Variants in DLGAP1 observed in about 807,000 individuals in gnomAD.
The protein encoded by DLGAP1 is DLG associated protein 1, also known as disks large-associated protein 1.
A neutral mutation model predicts 90.8 loss-of-function variants in DLGAP1; 11 were observed. That is an observed-to-expected ratio of 0.12 (90% CI 0.08 to 0.20). The LOEUF is 0.20. DLGAP1 is among the 10% of genes least tolerant of loss of function. The pLI is 1.00. For synonymous variants in DLGAP1, 558 were observed against 540.7 expected, an observed-to-expected ratio of 1.03 and a Z score of -0.44; for missense variants, 1,050 against 1,333.8, an observed-to-expected ratio of 0.79 and a Z score of 3.31.
At chr18:3,675,491 T>C (rs1567944397) in intron 7 of DLGAP1, among the ~76,000 whole-genome samples, 1 of 152,200 alleles carries the variant, frequency 6.6e-6, no homozygotes, top group Non-Finnish European at 1.5e-5. Flanking sequence ...TGGGTGGAAG[T>C]GTTTGGATTC....
chr18:3,606,942 A>G (rs2057354103), intron 7 of DLGAP1: 1 of 152,188 alleles, frequency 6.6e-6, no homozygotes, highest in Admixed American at 6.5e-5. Flanking sequence ...GGTTCAAGCA[A>G]TTCTCCTGCC....
chr18:4,188,292 A>G (rs142118509), intron 1 of DLGAP1, among the ~76,000 whole-genome samples: 1 of 152,252 alleles, frequency 6.6e-6, no homozygotes, highest in Non-Finnish European at 1.5e-5. Flanking sequence ...TACTGAAAAT[A>G]TGTTAGGCAA....
intron 1 of DLGAP1, among the ~76,000 whole-genome samples, chr18:4,158,337 A>C (rs2076790335): frequency 6.6e-6 from 1 of 152,178 alleles, no homozygotes; most frequent in Non-Finnish European, 1.5e-5. Context: ...AAAAGTCAAG[A>C]GGGGAATGGC....
intron 1 of DLGAP1, among the ~76,000 whole-genome samples, chr18:4,332,959 TTC>T (rs2080982548): frequency 6.6e-6 from 1 of 151,970 alleles, no homozygotes; most frequent in Admixed American, 6.5e-5. Flanking sequence ...TTATAAAAGT[TTC>T]TCTGTCAGCA....
At chr18:3,757,987 G>A (rs2063787638) in intron 5 of DLGAP1, among the ~76,000 whole-genome samples, 1 of 151,868 alleles carries the variant, frequency 6.6e-6, no homozygotes, top group Non-Finnish European at 1.5e-5. Flanking sequence ...TTGGTGGTGG[G>A]TGCCTGTAAT....
chr18:4,454,299 C>T lies in DLGAP1; in HGVS notation c.-267+707G>A, dbSNP rs1186376674. Among the ~76,000 whole-genome samples the T allele has an allele frequency of 6.6e-6, 1 of 152,204 alleles. No homozygotes were observed. Among genetic ancestry groups the T allele is most frequent in the African/African-American group, 2.4e-5 (1 of 41,474 alleles). On this transcript the variant is annotated intron_variant, in intron 1 of 12. Transcript: ENST00000315677. This position sits in a 1 kb window ranked among gnomAD's most constrained non-coding sequence, Gnocchi z 4.7. ...GGCCTTGGTTCCAGCCCGGCTCATT[C>T]AATTCGCTGAATGTCGGGTCTCCCG... is the stretch of plus-strand genomic sequence containing the variant.
intron 5 of DLGAP1, 30 bp downstream of exon 5, chr18:3,814,029 T>A: frequency 1.9e-6 from 3 of 1,607,634 alleles, no homozygotes; most frequent in Non-Finnish European, 2.6e-6. Context: ...GCACCTGGAC[T>A]ATCGCAAGTG....
Position 3,729,380 on chromosome 18 carries a change from G to A in DLGAP1, c.1351-5C>T, listed in dbSNP as rs1568027866. The A allele has an allele frequency of 1.2e-6, 2 of 1,608,398 alleles. No homozygotes were observed. Among genetic ancestry groups the A allele is most frequent in the East Asian group, 2.2e-5 (1 of 44,710 alleles). On this transcript the variant is annotated splice_region_variant and splice_polypyrimidine_tract_variant and intron_variant, in intron 6 of 12. Coordinates refer to ENST00000315677, the MANE Select transcript of DLGAP1 (RefSeq NM_004746.4). This position sits in a 1 kb window ranked among gnomAD's most constrained non-coding sequence, Gnocchi z 6.2. ...GTTCACTTCCATCTCGCTCACCTGC[G>A]GGCAGACACAGGCGTTGTGACACTC...
At chr18:4,133,280 G>A (rs1478163197) in intron 2 of DLGAP1, among the ~76,000 whole-genome samples, 4 of 152,168 alleles carry the variant, frequency 2.6e-5, no homozygotes, top group African/African-American at 9.7e-5. Flanking sequence ...GGGCTCATGA[G>A]TGCCAACGAT....
chr18:3,620,884 T>C (rs981141398), intron 7 of DLGAP1, among the ~76,000 whole-genome samples: 1 of 152,168 alleles, frequency 6.6e-6, no homozygotes, highest in Non-Finnish European at 1.5e-5. Context: ...CAGGCAGTGA[T>C]GTGTGACCAG....
At chr18:4,412,113 T>C (rs1017422095) in intron 1 of DLGAP1, among the ~76,000 whole-genome samples, 1 of 152,068 alleles carries the variant, frequency 6.6e-6, no homozygotes. Flanking sequence ...AGATGCAGAA[T>C]AGGCTGATGA....
At chr18:4,105,760 G>A (rs980476927) in intron 2 of DLGAP1, among the ~76,000 whole-genome samples, 1 of 152,166 alleles carries the variant, frequency 6.6e-6, no homozygotes, top group Non-Finnish European at 1.5e-5. Context: ...GCCGGGCGCG[G>A]TGGCTCACGC....
intron 4 of DLGAP1, among the ~76,000 whole-genome samples, chr18:3,856,913 A>T (rs2069681356): frequency 6.6e-6 from 1 of 152,096 alleles, no homozygotes; most frequent in South Asian, 2.1e-4. Flanking sequence ...TGCTACATCC[A>T]TAGAGGACTT....
At chr18:3,877,874 G>C (rs1326663715) in intron 4 of DLGAP1, among the ~76,000 whole-genome samples, 1 of 152,212 alleles carries the variant, frequency 6.6e-6, no homozygotes, top group Non-Finnish European at 1.5e-5. Context: ...AGCTTCAGTG[G>C]GAAGTACTGA....
intron 7 of DLGAP1, chr18:3,708,478 A>G (rs1282828948): frequency 4.4e-6 from 2 of 456,598 alleles, no homozygotes; most frequent in Non-Finnish European, 8.8e-6. Flanking sequence ...AGCGCCCAGG[A>G]TTCCAGCTTC....
At chr18:4,333,768 C>A (rs1940451) in intron 1 of DLGAP1, among the ~76,000 whole-genome samples, 14 of 151,046 alleles carry the variant, frequency 9.3e-5, no homozygotes, top group African/African-American at 3.4e-4. Context: ...TACAGGCGCC[C>A]ACCACCACGC....
intron 5 of DLGAP1, among the ~76,000 whole-genome samples, chr18:3,754,520 G>A (rs899689298): frequency 6.0e-5 from 9 of 149,890 alleles, no homozygotes; most frequent in Admixed American, 4.7e-4. Flanking sequence ...GGTATATCAC[G>A]AATGCATAAA....
intron 7 of DLGAP1, among the ~76,000 whole-genome samples, chr18:3,637,630 C>G (rs924101481): frequency 2.6e-5 from 4 of 150,950 alleles, no homozygotes; most frequent in African/African-American, 9.8e-5. Context: ...ACCTATAGTC[C>G]CAGCTACTCA....
At position 3,554,905 on chromosome 18, in the gene DLGAP1, C is replaced by T. The variant is rs959055133; in HGVS notation, c.2057+12585G>A. Among the ~76,000 whole-genome samples the T allele has an allele frequency of 9.2e-5, 14 of 152,246 alleles. 1 individual carries two copies. The highest frequency in any genetic ancestry group is 8.5e-4 in the Admixed American group (13 of 15,282). ...TCATTTCTTTGCACTATCTCTTTCTCAGCTCAATTTTCTTTCTTTTTCTCA... is the reference window on the plus strand; with the variant it reads ...TCATTTCTTTGCACTATCTCTTTCTTAGCTCAATTTTCTTTCTTTTTCTCA... On this transcript the variant is annotated intron_variant, in intron 9 of 12. Coordinates refer to ENST00000315677, the MANE Select transcript of DLGAP1 (RefSeq NM_004746.4).
Sources: allele counts gnomAD v4.1 joint callset (sites outside exome capture counted in the v4.1 genomes callset), GRCh38; gene constraint gnomAD v4.1.1; non-coding constraint Gnocchi (gnomAD v3.1); transcripts MANE v1.5; gene names NCBI Gene and HGNC (gene_info 2026-07-23, HGNC 2026-07-21).